SAMD5: variants seen among roughly 807,000 people sequenced by gnomAD.
SAMD5 encodes sterile alpha motif domain containing 5.
In SAMD5, 13 loss-of-function variants were observed where a neutral mutation model predicts 11.3. The observed-to-expected ratio is 1.15, with a 90% CI of 0.75 to 1.83. The LOEUF is 1.83. Among genes scored for constraint, SAMD5 ranks in the 40% most tolerant of loss-of-function variants. The probability of loss-of-function intolerance (pLI) is 0.00; values close to 1 mark genes in which losing one functional copy is unlikely to be tolerated. For missense variants in SAMD5, 255 were observed against 239.1 expected, an observed-to-expected ratio of 1.07 and a Z score of -0.44; for synonymous variants, 129 against 111.3, an observed-to-expected ratio of 1.16 and a Z score of -1.00.
chr6:147,937,219 G>A, the SAMD5 span, among the ~76,000 whole-genome samples: 1 of 152,178 alleles, frequency 6.6e-6, no homozygotes, highest in East Asian at 1.9e-4. Flanking sequence ...AAAGCCTCTA[G>A]GTTCTTTTTG....
At chr6:147,718,491 C>T (rs1206502701) in intron 1 of SAMD5, among the ~76,000 whole-genome samples, 1 of 152,136 alleles carries the variant, frequency 6.6e-6, no homozygotes, top group Admixed American at 6.5e-5. Context: ...TTTACCACCT[C>T]ATGAATTTTT....
At chr6:147,952,247 G>C in the SAMD5 span, among the ~76,000 whole-genome samples, 1 of 152,168 alleles carries the variant, frequency 6.6e-6, no homozygotes, top group East Asian at 1.9e-4. Context: ...TTGCTATGCA[G>C]TACCAGTAAA....
chr6:147,936,120 G>A, the SAMD5 span, among the ~76,000 whole-genome samples: 1 of 152,072 alleles, frequency 6.6e-6, no homozygotes, highest in Non-Finnish European at 1.5e-5. Context: ...GATACAGATG[G>A]GGAAGAGAAA....
chr6:147,714,219 T>C (rs759071822), intron 1 of SAMD5, among the ~76,000 whole-genome samples: 1 of 152,208 alleles, frequency 6.6e-6, no homozygotes, highest in Admixed American at 6.5e-5. Flanking sequence ...TCTGCTTTTT[T>C]ATTACTGAAG....
chr6:147,517,986 T>C (rs1788197689), intron 1 of SAMD5, among the ~76,000 whole-genome samples: 1 of 152,144 alleles, frequency 6.6e-6, no homozygotes, highest in Non-Finnish European at 1.5e-5. Context: ...TCCATGTTTA[T>C]AAATATGCAA....
At chr6:147,804,673 GA>G in the SAMD5 span, among the ~76,000 whole-genome samples, 1 of 152,004 alleles carries the variant, frequency 6.6e-6, no homozygotes, top group Non-Finnish European at 1.5e-5. Flanking sequence ...TCAAAAAGCG[GA>G]AAAAAAGGGA....
chr6:147,906,777 A>G, the SAMD5 span, among the ~76,000 whole-genome samples: 1 of 152,342 alleles, frequency 6.6e-6, no homozygotes, highest in South Asian at 2.1e-4. Context: ...CGAGGCAGGT[A>G]GCGTTTTAAG....
intron 1 of SAMD5, among the ~76,000 whole-genome samples, chr6:147,614,918 A>G (rs1789843072): frequency 6.6e-6 from 1 of 152,022 alleles, no homozygotes; most frequent in Admixed American, 6.5e-5. Flanking sequence ...ATGTATCTAT[A>G]CTGAACATCT....
the SAMD5 span, among the ~76,000 whole-genome samples, chr6:147,897,943 T>TAAAA: frequency 2.0e-3 from 175 of 89,576 alleles, 10 homozygotes; most frequent in African/African-American, 6.5e-3. Flanking sequence ...AGATTTTTCT[T>TAAAA]AAAAAAAAAA....
At chr6:147,947,445 G>A in the SAMD5 span, 1 of 152,122 alleles carries the variant, frequency 6.6e-6, no homozygotes, top group Admixed American at 6.5e-5. Context: ...GCATCTTAAT[G>A]TCTGTATTAC....
chr6:147,594,466 G>C (rs1220832094), intron 1 of SAMD5, among the ~76,000 whole-genome samples: 1 of 152,150 alleles, frequency 6.6e-6, no homozygotes, highest in East Asian at 1.9e-4. Context: ...CTGAGTAGCA[G>C]ACATAATTGA....
chr6:147,840,110 C>T, the SAMD5 span, among the ~76,000 whole-genome samples: 8 of 152,162 alleles, frequency 5.3e-5, no homozygotes, highest in Admixed American at 2.0e-4. Flanking sequence ...TGTCTGTATA[C>T]GTAAATTCCC....
Position 147,568,195 on chromosome 6 carries a change from G to T in SAMD5, c.*3739G>T, listed in dbSNP as rs148170653. ...AATCCAACCAAGATACAAAGCAGAT[G>T]ATGGTGGATCGGCAAACTCTTTTCT... is the stretch of plus-strand genomic sequence containing the variant. On this transcript the variant is annotated 3_prime_UTR_variant, in exon 2 of 2. Coordinates refer to ENST00000367474, the MANE Select transcript of SAMD5 (RefSeq NM_001030060.3). 1.6e-4 allele frequency: 156 copies of T among 985,360 alleles called. No individual in the cohort carries two copies. The African/African-American group carries it at 2.5e-3, about 16-fold the overall frequency. The allele number at this position is 985,360 out of a possible 1,614,324, so 61.0% of individuals were successfully genotyped here. A position where few individuals can be genotyped will look rare whatever the true frequency, so the allele number is the denominator to read the frequency against.
the SAMD5 span, among the ~76,000 whole-genome samples, chr6:147,948,323 T>G: frequency 6.6e-6 from 1 of 151,950 alleles, no homozygotes; most frequent in Admixed American, 6.6e-5. Context: ...ATTTCATAGT[T>G]GAATATACCC....
the SAMD5 span, among the ~76,000 whole-genome samples, chr6:147,897,943 TAAAAAAAA>T: frequency 6.7e-5 from 6 of 89,604 alleles, no homozygotes; most frequent in South Asian, 7.9e-4. Flanking sequence ...AGATTTTTCT[TAAAAAAAA>T]AAAAAAAAAA....
At chr6:147,818,646 G>T in the SAMD5 span, among the ~76,000 whole-genome samples, 1 of 152,110 alleles carries the variant, frequency 6.6e-6, no homozygotes, top group East Asian at 1.9e-4. Context: ...ATCACTAATT[G>T]TAGGTGAGTT....
chr6:147,612,868 T>C (rs1028535246), intron 1 of SAMD5, among the ~76,000 whole-genome samples: 2 of 152,152 alleles, frequency 1.3e-5, no homozygotes, highest in Admixed American at 6.5e-5. Flanking sequence ...TAACTCTGTT[T>C]TCTCCTTCCT....
chr6:147,566,832 A>C lies in SAMD5; in HGVS notation c.*2376A>C, dbSNP rs1034841398. On this transcript the variant is annotated 3_prime_UTR_variant, in exon 2 of 2. Transcript: ENST00000367474. The stretch of plus-strand genomic sequence containing the variant: ...TGCATTAAAATCAAGATGAGGTAAG[A>C]GGTAGAATATAAGAGAAAGGGATTA... The C allele has an allele frequency of 1.0e-6, 1 of 979,026 alleles. No homozygotes were observed. Among genetic ancestry groups the C allele is most frequent in the Admixed American group, 6.2e-5 (1 of 16,256 alleles). 60.6% of individuals were successfully genotyped at this position (979,026 alleles called of 1,614,324 possible).
chr6:147,629,698 T>C (rs1790110927), intron 1 of SAMD5, among the ~76,000 whole-genome samples: 1 of 152,192 alleles, frequency 6.6e-6, no homozygotes, highest in Non-Finnish European at 1.5e-5. Context: ...CTGTCAGACA[T>C]AGTGCTTTTT....
Sources: gnomAD v4.1 joint callset for allele counts (sites outside exome capture counted in the v4.1 genomes callset) on GRCh38, gnomAD v4.1.1 for gene constraint, MANE v1.5 for transcripts, NCBI Gene and HGNC (gene_info 2026-07-23, HGNC 2026-07-21) for gene names.